The following SGK3 variants were observed in gnomAD, a reference collection of about 807,000 sequenced individuals.
SGK3 encodes the protein serine/threonine-protein kinase Sgk3.
Under a neutral mutation model 68.5 loss-of-function variants are expected in SGK3, and 47 were observed. That is an observed-to-expected ratio of 0.69 (90% CI 0.54 to 0.87). The LOEUF is 0.87. SGK3 is among the 40% of genes least tolerant of loss of function. The probability of loss-of-function intolerance (pLI) is 0.00; values close to 1 mark genes in which losing one functional copy is unlikely to be tolerated. For missense variants in SGK3, 479 were observed against 575.5 expected (o/e 0.83, Z 1.72); for synonymous variants, 181 against 189.1 (o/e 0.96, Z 0.35).
chr8:66,843,993 CAAAAAAA>C (rs11311018), intron 14 of SGK3, among the ~76,000 whole-genome samples: 3 of 71,414 alleles, frequency 4.2e-5, no homozygotes, highest in Non-Finnish European at 7.5e-5. Flanking sequence ...GACTCTGTCT[CAAAAAAA>C]AAAAAAAAAA....
At chr8:66,822,887 C>G (rs1039249153) in intron 6 of SGK3, among the ~76,000 whole-genome samples, 3 of 152,138 alleles carry the variant, frequency 2.0e-5, no homozygotes, top group Non-Finnish European at 4.4e-5. Context: ...TCTCAGAATG[C>G]TGGGATTACA....
At position 66,859,707 on chromosome 8, in the gene SGK3, A is replaced by G. The variant is rs1810682399; in HGVS notation, c.*126A>G. The G allele has an allele frequency of 1.8e-6, 2 of 1,128,606 alleles. No individual in the cohort carries two copies. Among genetic ancestry groups the G allele is most frequent in the Non-Finnish European group, 2.3e-6 (2 of 860,646 alleles). 69.9% of individuals were successfully genotyped at this position (1,128,606 alleles called of 1,614,324 possible). On this transcript the variant is annotated 3_prime_UTR_variant, in exon 17 of 17. Coordinates refer to ENST00000521198, the MANE Select transcript of SGK3 (RefSeq NM_001033578.3). ...ATTTTTATATGTAATGATGAAAACTATGAAAAAATGTATTTTCTTCTATGT... is the reference window on the plus strand; with the variant it reads ...ATTTTTATATGTAATGATGAAAACTGTGAAAAAATGTATTTTCTTCTATGT...
chr8:66,718,762 A>G (rs1031487178), intron 1 of SGK3, among the ~76,000 whole-genome samples: 3 of 152,058 alleles, frequency 2.0e-5, no homozygotes, highest in Non-Finnish European at 4.4e-5. Flanking sequence ...TCCCGACCTC[A>G]GATAATCCGC....
At chr8:66,727,143 C>T (rs2130355449) in intron 1 of SGK3, among the ~76,000 whole-genome samples, 1 of 152,074 alleles carries the variant, frequency 6.6e-6, no homozygotes, top group East Asian at 1.9e-4. Flanking sequence ...CCTCTGTTGC[C>T]CAGGATGGAG....
At chr8:66,798,441 C>CAA (rs372990676) in intron 2 of SGK3, 101 bp from the exon 3 acceptor site, 2,517 of 802,882 alleles carry the variant, frequency 3.1e-3, no homozygotes, top group Middle Eastern at 6.1e-3. Flanking sequence ...CAGACTGTCT[C>CAA]AAAAAAAAAA....
At chr8:66,829,928 A>C (rs906333021) in intron 7 of SGK3, among the ~76,000 whole-genome samples, 2 of 147,782 alleles carry the variant, frequency 1.4e-5, no homozygotes, top group Admixed American at 6.9e-5. Context: ...GCGGGAGTCC[A>C]GTGGTGCAAT....
chr8:66,723,118 TATATATATATATA>T (rs1444098974), intron 1 of SGK3, among the ~76,000 whole-genome samples: 11 of 53,348 alleles, frequency 2.1e-4, no homozygotes, highest in African/African-American at 6.7e-4. Context: ...TATATATATA[TATATATATATATA>T]TTTTTTTTTT....
chr8:66,757,983 CTATA>C (rs1159119701), intron 1 of SGK3, among the ~76,000 whole-genome samples: 1 of 146,002 alleles, frequency 6.8e-6, no homozygotes, highest in Non-Finnish European at 1.5e-5. Context: ...TACACACACA[CTATA>C]TGTATATATA....
chr8:66,835,863 G>T lies in SGK3; in HGVS notation c.609+17G>T, dbSNP rs754597041. The T allele has an allele frequency of 6.2e-7, 1 of 1,609,364 alleles. No homozygotes were observed. The highest frequency in any genetic ancestry group is 8.5e-7 in the Non-Finnish European group (1 of 1,178,840). ...AGAAAAGAGGTAAAATAAAATAGTT[G>T]TTTCTCTCAAGCCCATTTTCTCAAT... On this transcript the variant is annotated intron_variant, in intron 9 of 16. Transcript: ENST00000521198.
At chr8:66,744,541 T>G (rs1194189083) in intron 1 of SGK3, among the ~76,000 whole-genome samples, 26 of 127,346 alleles carry the variant, frequency 2.0e-4, no homozygotes, top group Non-Finnish European at 2.9e-4. Flanking sequence ...TTTTTTTTTT[T>G]TTTTAGATGG....
intron 1 of SGK3, among the ~76,000 whole-genome samples, chr8:66,724,119 C>T (rs570760837): frequency 3.3e-5 from 5 of 152,306 alleles, no homozygotes; most frequent in Admixed American, 1.3e-4. Context: ...ACTACAGGCT[C>T]ATGCCACCAT....
chr8:66,734,749 C>T (rs1805268897), intron 1 of SGK3, among the ~76,000 whole-genome samples: 1 of 151,930 alleles, frequency 6.6e-6, no homozygotes, highest in African/African-American at 2.4e-5. Flanking sequence ...GAGTTCGGGA[C>T]CATCCTGGCC....
At chr8:66,745,564 A>G (rs943002137) in intron 1 of SGK3, among the ~76,000 whole-genome samples, 5 of 151,424 alleles carry the variant, frequency 3.3e-5, no homozygotes, top group African/African-American at 9.8e-5. Context: ...ACAGAGAGAG[A>G]CTGTCTCAAA....
chr8:66,854,744 T>A (rs572598997), intron 16 of SGK3, among the ~76,000 whole-genome samples: 23 of 152,124 alleles, frequency 1.5e-4, no homozygotes, highest in African/African-American at 5.3e-4. Context: ...CATTTCCAAG[T>A]GGAGGGGAGA....
Position 66,727,590 on chromosome 8 carries a change from G to A in SGK3, c.-122+14757G>A, listed in dbSNP as rs1805021283. ...TTTAGCTCACCAGGGCTCTGCCTTC[G>A]TAAATGGATGAATGCTGTCATGAAA... is the stretch of plus-strand genomic sequence containing the variant. On this transcript the variant is annotated intron_variant, in intron 1 of 16. Transcript: ENST00000521198. Among the ~76,000 whole-genome samples, 4 of 152,200 alleles carry A rather than the reference G, an allele frequency of 2.6e-5. No homozygotes were observed. In the South Asian group the frequency reaches 6.2e-4, roughly 24 times the overall value.
chr8:66,823,084 A>G (rs989153918), intron 6 of SGK3, among the ~76,000 whole-genome samples: 1 of 152,180 alleles, frequency 6.6e-6, no homozygotes, highest in Non-Finnish European at 1.5e-5. Context: ...TTTCTTTCCA[A>G]TCTTCTCTAA....
intron 7 of SGK3, 98 bp from the exon 8 acceptor site, chr8:66,831,156 C>A: frequency 6.9e-7 from 1 of 1,439,968 alleles, no homozygotes; most frequent in South Asian, 1.2e-5. Flanking sequence ...TGTTTTGTGC[C>A]TAACATTTAT....
At chr8:66,849,078 C>T (rs1810157456) in intron 15 of SGK3, among the ~76,000 whole-genome samples, 1 of 152,200 alleles carries the variant, frequency 6.6e-6, no homozygotes, top group Admixed American at 6.5e-5. Flanking sequence ...TCAAGTGTTG[C>T]AGTGCCCTGT....
intron 2 of SGK3, among the ~76,000 whole-genome samples, chr8:66,797,998 C>CACAAGAAACCACTTT (rs1239606386): frequency 2.0e-5 from 3 of 151,788 alleles, no homozygotes; most frequent in African/African-American, 7.3e-5. Flanking sequence ...TTCTTCCCAT[C>CACAAGAAACCACTTT]ACAAGAAACC....
Sources: gnomAD v4.1 joint callset for allele counts (sites outside exome capture counted in the v4.1 genomes callset) on GRCh38, gnomAD v4.1.1 for gene constraint, MANE v1.5 for transcripts, NCBI Gene and HGNC (gene_info 2026-07-23, HGNC 2026-07-21) for gene names.